ZNF385D: variants seen among roughly 807,000 people sequenced by gnomAD.
The protein encoded by ZNF385D is zinc finger protein 385D.
In ZNF385D, 15 loss-of-function variants were observed where a neutral mutation model predicts 35.8. The ratio of observed to expected loss-of-function variants is 0.42; its 90% CI spans 0.28 to 0.64. The LOEUF (loss-of-function observed/expected upper bound fraction) is 0.64. Among genes scored for constraint, ZNF385D ranks in the 30% least tolerant of loss-of-function variants. The pLI is 0.23. For synonymous variants in ZNF385D, 212 were observed against 186.8 expected (o/e 1.13, Z -1.10); for missense variants, 474 against 494.6 (o/e 0.96, Z 0.39).
chr3:21,752,891 G>GAACC (rs1254874751), upstream of ZNF385D, among the ~76,000 whole-genome samples: 1 of 152,128 alleles, frequency 6.6e-6, no homozygotes, highest in Non-Finnish European at 1.5e-5. Context: ...TCAGGCAAAA[G>GAACC]AACCATCTGT....
intron 4 of ZNF385D, among the ~76,000 whole-genome samples, chr3:21,446,874 G>C (rs1360903574): frequency 2.6e-5 from 4 of 152,128 alleles, no homozygotes; most frequent in African/African-American, 9.7e-5. Flanking sequence ...TTGGAGCAGA[G>C]AAAAATACTA....
chr3:22,147,261 T>G (rs2125713349), intron 3 of ZNF385D, among the ~76,000 whole-genome samples: 1 of 152,282 alleles, frequency 6.6e-6, no homozygotes, highest in East Asian at 1.9e-4. Context: ...GAATTTTCCT[T>G]GAATAACCAT....
chr3:22,180,808 G>A (rs138819433), intron 2 of ZNF385D, among the ~76,000 whole-genome samples: 7 of 151,738 alleles, frequency 4.6e-5, no homozygotes, highest in East Asian at 3.9e-4. Flanking sequence ...AGCTATCTAC[G>A]ACAAACCCAC....
At chr3:21,767,515 C>T (rs2070882417) in intron 3 of ZNF385D, among the ~76,000 whole-genome samples, 1 of 152,032 alleles carries the variant, frequency 6.6e-6, no homozygotes, top group Admixed American at 6.6e-5. Flanking sequence ...TTGCCAGTTC[C>T]TTTCTAGACT....
chr3:21,859,722 T>C (rs892255527), intron 3 of ZNF385D, among the ~76,000 whole-genome samples: 1 of 151,178 alleles, frequency 6.6e-6, no homozygotes, highest in Non-Finnish European at 1.5e-5. Context: ...ACTGCTGGAA[T>C]TGAAAGATAA....
chr3:21,577,734 C>T (rs1056529900), intron 2 of ZNF385D, among the ~76,000 whole-genome samples: 1 of 150,706 alleles, frequency 6.6e-6, no homozygotes, highest in African/African-American at 2.4e-5. Context: ...TTCATTGTGG[C>T]TTTGATTTGC....
chr3:21,663,915 A>ATATATATATATATTTATTTATTTATT (rs1159950305), intron 2 of ZNF385D, among the ~76,000 whole-genome samples: 1 of 105,892 alleles, frequency 9.4e-6, no homozygotes, highest in African/African-American at 3.8e-5. Flanking sequence ...ATATATATAT[A>ATATATATATATATTTATTTATTTATT]TATTTATTTA....
At chr3:22,284,088 GA>G in intron 2 of ZNF385D, among the ~76,000 whole-genome samples, 1 of 152,158 alleles carries the variant, frequency 6.6e-6, no homozygotes, top group South Asian at 2.1e-4. Context: ...ATACTTACTT[GA>G]GGCAAGATAG....
At chr3:22,181,301 A>T (rs1267148913) in intron 2 of ZNF385D, among the ~76,000 whole-genome samples, 1 of 151,902 alleles carries the variant, frequency 6.6e-6, no homozygotes, top group Non-Finnish European at 1.5e-5. Flanking sequence ...TGGCACATAT[A>T]CTCTAGGATG....
At chr3:21,569,200 T>C (rs10049230) in intron 2 of ZNF385D, among the ~76,000 whole-genome samples, 76,846 of 131,558 alleles carry the variant, frequency 0.58, 18,865 homozygotes, top group African/African-American at 0.73. Context: ...GGAGTCTAAG[T>C]CTCTTTGTAG....
intron 1 of ZNF385D, among the ~76,000 whole-genome samples, chr3:21,690,259 A>G (rs989558459): frequency 3.3e-5 from 5 of 152,186 alleles, no homozygotes; most frequent in African/African-American, 1.2e-4. Flanking sequence ...ATACATCCAT[A>G]TAGACACATA....
intron 2 of ZNF385D, among the ~76,000 whole-genome samples, chr3:22,317,128 T>G (rs983010356): frequency 4.0e-5 from 6 of 151,180 alleles, no homozygotes; most frequent in Non-Finnish European, 7.4e-5. Context: ...AAATACAAAA[T>G]TAGCCGGGCA....
At chr3:22,316,832 A>G (rs1385786800) in intron 2 of ZNF385D, among the ~76,000 whole-genome samples, 1 of 152,210 alleles carries the variant, frequency 6.6e-6, no homozygotes, top group Non-Finnish European at 1.5e-5. Context: ...GATACCCCAA[A>G]GACTGGCATT....
At chr3:21,844,745 G>A (rs919170135) in intron 3 of ZNF385D, among the ~76,000 whole-genome samples, 1 of 151,910 alleles carries the variant, frequency 6.6e-6, no homozygotes, top group African/African-American at 2.4e-5. Context: ...TCACTAAATT[G>A]TTCACATTCT....
intron 1 of ZNF385D, among the ~76,000 whole-genome samples, chr3:21,727,374 G>T (rs1199580137): frequency 1.3e-5 from 2 of 152,134 alleles, no homozygotes; most frequent in African/African-American, 4.8e-5. Flanking sequence ...ACTATCATCA[G>T]AGGGAACAGG....
chr3:21,808,531 G>T (rs1033220343), intron 3 of ZNF385D, among the ~76,000 whole-genome samples: 1 of 152,156 alleles, frequency 6.6e-6, no homozygotes, highest in Admixed American at 6.5e-5. Context: ...GAAAAAGAAC[G>T]CTGTTGACCC....
At chr3:21,908,143 TATC>T (rs1699785119) in intron 3 of ZNF385D, among the ~76,000 whole-genome samples, 1 of 149,626 alleles carries the variant, frequency 6.7e-6, no homozygotes, top group Non-Finnish European at 1.5e-5. Context: ...TCTATCTATC[TATC>T]TATCTATCTA....
chr3:21,723,928 C>G (rs1055221353), intron 1 of ZNF385D, among the ~76,000 whole-genome samples: 1 of 152,126 alleles, frequency 6.6e-6, no homozygotes, highest in Non-Finnish European at 1.5e-5. Flanking sequence ...CAAAGGGAAG[C>G]CCATCAGATT....
chr3:22,340,472 CT>C (rs1695372871), intron 2 of ZNF385D, among the ~76,000 whole-genome samples: 1 of 152,116 alleles, frequency 6.6e-6, no homozygotes, highest in Admixed American at 6.5e-5. Flanking sequence ...ATGGTGAAAC[CT>C]TATCTCTACT....
Sources: gnomAD v4.1 joint callset for allele counts (sites outside exome capture counted in the v4.1 genomes callset) on GRCh38, gnomAD v4.1.1 for gene constraint, MANE v1.5 for transcripts, NCBI Gene and HGNC (gene_info 2026-07-23, HGNC 2026-07-21) for gene names.